The following BBS9 variants were observed in gnomAD, a reference collection of about 807,000 sequenced individuals.
The protein encoded by BBS9 is protein PTHB1.
Under a neutral mutation model 117.7 loss-of-function variants are expected in BBS9, and 89 were observed. That is an observed-to-expected ratio of 0.76 (90% CI 0.64 to 0.90). The LOEUF (loss-of-function observed/expected upper bound fraction) is 0.90. Among genes scored for constraint, BBS9 ranks in the 40% least tolerant of loss-of-function variants. BBS9 has a pLI of 0.00. For synonymous variants in BBS9, 379 were observed against 370.9 expected (o/e 1.02, Z -0.25); for missense variants, 982 against 1,042.2 (o/e 0.94, Z 0.80).
At chr7:33,188,101 TG>T (rs2128185540) in intron 5 of BBS9, among the ~76,000 whole-genome samples, 1 of 71,310 alleles carries the variant, frequency 1.4e-5, no homozygotes, top group Non-Finnish European at 2.6e-5. Flanking sequence ...TGTGTGTGTG[TG>T]TGTGTGTGTG....
At chr7:33,263,921 C>A (rs1274768883) in intron 6 of BBS9, among the ~76,000 whole-genome samples, 1 of 152,042 alleles carries the variant, frequency 6.6e-6, no homozygotes, top group East Asian at 1.9e-4. Flanking sequence ...TTGATAATTT[C>A]TACTCCATCT....
At chr7:33,527,087 A>T (rs1849659172) in intron 20 of BBS9, among the ~76,000 whole-genome samples, 1 of 151,788 alleles carries the variant, frequency 6.6e-6, no homozygotes, top group Non-Finnish European at 1.5e-5. Flanking sequence ...CACCCACTTG[A>T]GGAGGCAGTC....
At chr7:33,433,168 A>T (rs572271073) in intron 19 of BBS9, among the ~76,000 whole-genome samples, 2 of 152,284 alleles carry the variant, frequency 1.3e-5, no homozygotes, top group Non-Finnish European at 2.9e-5. Flanking sequence ...AACATATGGC[A>T]TATAATTTTA....
At chr7:33,386,186 A>AT (rs1825977265) in intron 18 of BBS9, among the ~76,000 whole-genome samples, 1 of 152,184 alleles carries the variant, frequency 6.6e-6, no homozygotes, top group Non-Finnish European at 1.5e-5. Context: ...AGGGTAAATA[A>AT]AGACAAAATA....
intron 19 of BBS9, among the ~76,000 whole-genome samples, chr7:33,456,221 CTG>C (rs1410545384): frequency 6.6e-6 from 1 of 152,142 alleles, no homozygotes; most frequent in African/African-American, 2.4e-5. Flanking sequence ...CAAATTTGAG[CTG>C]TAATTTGAAA....
chr7:33,151,395 AG>A (rs1793282589), intron 2 of BBS9, among the ~76,000 whole-genome samples: 1 of 152,174 alleles, frequency 6.6e-6, no homozygotes, highest in Non-Finnish European at 1.5e-5. Flanking sequence ...TAAGTACAGA[AG>A]GTGCTGGAAT....
At chr7:33,282,211 G>A (rs1399846222) in intron 9 of BBS9, among the ~76,000 whole-genome samples, 2 of 152,094 alleles carry the variant, frequency 1.3e-5, no homozygotes, top group Non-Finnish European at 2.9e-5. Flanking sequence ...TTATTTAAAA[G>A]TACAAAGAAA....
At chr7:33,535,813 G>A (rs745932432) in intron 21 of BBS9, among the ~76,000 whole-genome samples, 41 of 151,982 alleles carry the variant, frequency 2.7e-4, no homozygotes, top group East Asian at 1.6e-3. Flanking sequence ...GAGAGAGAGA[G>A]AAAAAAAATT....
intron 19 of BBS9, among the ~76,000 whole-genome samples, chr7:33,486,188 C>A (rs1362063987): frequency 6.6e-6 from 1 of 152,070 alleles, no homozygotes; most frequent in African/African-American, 2.4e-5. Context: ...ACAATCCAGG[C>A]TAAATTCATT....
At chr7:33,223,045 C>T (rs1304475651) in intron 5 of BBS9, among the ~76,000 whole-genome samples, 3 of 151,688 alleles carry the variant, frequency 2.0e-5, no homozygotes, top group African/African-American at 4.8e-5. Flanking sequence ...CCCTGCTAAG[C>T]CCCCTGATCT....
At chr7:33,624,840 T>G (rs2598375) in intron 21 of BBS9, among the ~76,000 whole-genome samples, 91,701 of 151,932 alleles carry the variant, frequency 0.6, 32,810 homozygotes, top group Non-Finnish European at 0.79. Flanking sequence ...TCATCCTGAT[T>G]ATAGAGGAAG....
chr7:33,351,183 A>C, intron 13 of BBS9, 36 bp from the exon 14 acceptor site: 1 of 1,430,728 alleles, frequency 7.0e-7, no homozygotes, highest in Non-Finnish European at 9.9e-7. Flanking sequence ...GTTGCCCCAA[A>C]TTATGTAATT....
intron 5 of BBS9, among the ~76,000 whole-genome samples, chr7:33,218,508 T>C (rs1007015301): frequency 6.6e-6 from 1 of 152,210 alleles, no homozygotes. Flanking sequence ...GTGTGGTAAC[T>C]GAACTGGCCA....
chr7:33,480,610 A>T (rs940082515), intron 19 of BBS9, among the ~76,000 whole-genome samples: 1 of 152,166 alleles, frequency 6.6e-6, no homozygotes, highest in Non-Finnish European at 1.5e-5. Flanking sequence ...TTTTTGTGTT[A>T]TCACTTGCTT....
chr7:33,347,895 A>G (rs1817896487), intron 12 of BBS9, among the ~76,000 whole-genome samples: 1 of 152,076 alleles, frequency 6.6e-6, no homozygotes, highest in Non-Finnish European at 1.5e-5. Context: ...GAACTGCCGT[A>G]TAGAAAAGGT....
At chr7:33,632,982 AGTGGTCG>A (rs1193605642) in intron 21 of BBS9, among the ~76,000 whole-genome samples, 1 of 152,088 alleles carries the variant, frequency 6.6e-6, no homozygotes, top group East Asian at 1.9e-4. Flanking sequence ...CAGCTGGGTG[AGTGGTCG>A]GCACTCTAAC....
rs957013112 is a variant in BBS9 at position 33,527,613 on chromosome 7, C to G, written c.2299-6341C>G. ...GCCTCGCCCTGCTTCGGCTCGCGCA[C>G]GGTGCGCACACCCACTGACCTGCGC... On this transcript the variant is annotated intron_variant, in intron 20 of 22. Transcript: ENST00000242067. Among the ~76,000 whole-genome samples, 514 of 152,318 alleles carry G rather than the reference C, an allele frequency of 3.4e-3. 3 individuals are homozygous for G. The highest frequency in any genetic ancestry group is 0.012 in the African/African-American group (490 of 41,576).
chr7:33,617,877 G>A (rs1424983682), intron 21 of BBS9, among the ~76,000 whole-genome samples: 1 of 152,112 alleles, frequency 6.6e-6, no homozygotes, highest in Non-Finnish European at 1.5e-5. Context: ...AATGTAGACA[G>A]CCTATAAGAA....
chr7:33,438,893 G>C (rs779246625), intron 19 of BBS9, among the ~76,000 whole-genome samples: 1 of 152,208 alleles, frequency 6.6e-6, no homozygotes, highest in Non-Finnish European at 1.5e-5. Context: ...AGTTCAGCAA[G>C]TTATCATGAC....
Sources: allele counts gnomAD v4.1 joint callset (sites outside exome capture counted in the v4.1 genomes callset), GRCh38; gene constraint gnomAD v4.1.1; transcripts MANE v1.5; gene names NCBI Gene and HGNC (gene_info 2026-07-23, HGNC 2026-07-21).